ATP9B: variants seen among roughly 807,000 people sequenced by gnomAD.
The protein encoded by ATP9B is ATPase phospholipid transporting 9B.
In ATP9B, 110 loss-of-function variants were observed where a neutral mutation model predicts 146.1. The observed-to-expected ratio is 0.75, with a 90% CI of 0.65 to 0.88. The LOEUF (loss-of-function observed/expected upper bound fraction) is 0.88, where lower values mean the gene tolerates loss of function less well. Ranked by LOEUF, ATP9B falls within the 40% of genes least tolerant of loss-of-function variation. The pLI is 0.00. For missense variants in ATP9B, 1,499 were observed against 1,496.4 expected (o/e 1.00, Z -0.03); for synonymous variants, 604 against 569.7 (o/e 1.06, Z -0.86).
Position 79,069,484 on chromosome 18 carries a change from A to C in ATP9B, c.74A>C (p.Tyr25Ser). The C allele has an allele frequency of 8.8e-6, 13 of 1,482,998 alleles. No individual in the cohort carries two copies. Among genetic ancestry groups the C allele is most frequent in the Non-Finnish European group, 1.1e-5 (12 of 1,117,410 alleles). The allele number at this position is 1,482,998 out of a possible 1,614,324, so 91.9% of individuals were successfully genotyped here. The part of the protein sequence containing the change: ...AAAANRKRAA[Y>S]YSAAGPRPGA... Reference sequence around the variant, plus strand: ...GCAGCCAACCGCAAACGCGCGGCCTACTACAGCGCCGCGGGGCCCAGGCCG... The same window carrying C: ...GCAGCCAACCGCAAACGCGCGGCCTCCTACAGCGCCGCGGGGCCCAGGCCG... The change falls in exon 1 of 30, where the codon TAC becomes TCC. Residue 25 changes from tyrosine (Y) to serine (S), a missense_variant. Coordinates refer to ENST00000426216, the MANE Select transcript of ATP9B (RefSeq NM_198531.5).
At chr18:79,169,626 A>T (rs1470754868) in intron 7 of ATP9B, among the ~76,000 whole-genome samples, 1 of 152,224 alleles carries the variant, frequency 6.6e-6, no homozygotes, top group African/African-American at 2.4e-5. Context: ...ACCATTATTT[A>T]GTTATACATT....
At chr18:79,126,223 T>A (rs2094283842) in intron 4 of ATP9B, 44 bp from the exon 5 acceptor site, 4 of 1,491,836 alleles carry the variant, frequency 2.7e-6, no homozygotes, top group Non-Finnish European at 3.7e-6. Flanking sequence ...TTGTCTTTTT[T>A]GTTAAAGTTT....
At chr18:79,141,454 C>T (rs1016089623) in intron 5 of ATP9B, among the ~76,000 whole-genome samples, 5 of 152,076 alleles carry the variant, frequency 3.3e-5, no homozygotes, top group African/African-American at 7.2e-5. Context: ...TGATAATACA[C>T]GACTTACTGA....
At chr18:79,209,633 G>T (rs2095565703) in intron 10 of ATP9B, 1 of 985,086 alleles carries the variant, frequency 1.0e-6, no homozygotes, top group African/African-American at 1.7e-5. Flanking sequence ...TGTCCATTCT[G>T]TTCTCTTTGC....
chr18:79,209,984 A>T (rs1340959903), intron 10 of ATP9B, among the ~76,000 whole-genome samples: 1 of 152,150 alleles, frequency 6.6e-6, no homozygotes, highest in African/African-American at 2.4e-5. Context: ...ATCTCAGTTG[A>T]ATTCAAGTTG....
chr18:79,132,664 T>C (rs2094394831), intron 5 of ATP9B, among the ~76,000 whole-genome samples: 1 of 152,234 alleles, frequency 6.6e-6, no homozygotes, highest in Non-Finnish European at 1.5e-5. Flanking sequence ...TTATTAAGAA[T>C]ATTTTCTGTT....
chr18:79,071,887 TTG>T (rs765774226), intron 1 of ATP9B, among the ~76,000 whole-genome samples: 30,951 of 101,436 alleles, frequency 0.31, 3,422 homozygotes, highest in East Asian at 0.44. Context: ...ATGTTTGGTT[TTG>T]TTTTTTTTTT....
chr18:79,185,445 T>G (rs908332129), intron 8 of ATP9B, among the ~76,000 whole-genome samples: 1 of 152,208 alleles, frequency 6.6e-6, no homozygotes, highest in African/African-American at 2.4e-5. Context: ...CTTTAACATT[T>G]TCGTGGCCAG....
intron 1 of ATP9B, among the ~76,000 whole-genome samples, chr18:79,081,166 G>A (rs1160357935): frequency 6.6e-6 from 1 of 152,060 alleles, no homozygotes; most frequent in Non-Finnish European, 1.5e-5. Flanking sequence ...CTCTTTTTCT[G>A]TTGTTTGGAA....
chr18:79,201,674 A>G (rs962290882), intron 9 of ATP9B, among the ~76,000 whole-genome samples: 1 of 151,942 alleles, frequency 6.6e-6, no homozygotes. Context: ...TGTTCAAGCA[A>G]TTCTCCTGCC....
chr18:79,261,105 C>A (rs1313795820), intron 12 of ATP9B, among the ~76,000 whole-genome samples: 1 of 152,112 alleles, frequency 6.6e-6, no homozygotes, highest in East Asian at 1.9e-4. Flanking sequence ...GGCCTTTGAG[C>A]AGATGCTGTT....
chr18:79,153,107 C>G (rs576685981), intron 6 of ATP9B, among the ~76,000 whole-genome samples: 21 of 152,228 alleles, frequency 1.4e-4, no homozygotes, highest in African/African-American at 5.1e-4. Context: ...AATAACATAG[C>G]TTTCTTCAGC....
intron 12 of ATP9B, chr18:79,254,689 T>G (rs2096061342): frequency 6.6e-6 from 1 of 152,392 alleles, no homozygotes; most frequent in Non-Finnish European, 1.5e-5. Flanking sequence ...GGATTAAACC[T>G]AATAAGGCCC....
intron 10 of ATP9B, among the ~76,000 whole-genome samples, chr18:79,210,402 T>TCA (rs1299291066): frequency 3.3e-5 from 5 of 151,940 alleles, no homozygotes; most frequent in Non-Finnish European, 7.4e-5. Context: ...GGGCCAGCCG[T>TCA]GTGGTGTCTA....
intron 11 of ATP9B, among the ~76,000 whole-genome samples, chr18:79,241,516 CAG>C (rs1192394585): frequency 6.6e-6 from 1 of 152,190 alleles, no homozygotes; most frequent in Non-Finnish European, 1.5e-5. Flanking sequence ...AGGTTCCATA[CAG>C]AGTCTCACTT....
chr18:79,301,141 CT>C (rs2096587911), intron 13 of ATP9B, among the ~76,000 whole-genome samples: 1 of 152,190 alleles, frequency 6.6e-6, no homozygotes, highest in African/African-American at 2.4e-5. Flanking sequence ...GTTTCATTAT[CT>C]TTTAACTGTT....
At chr18:79,259,808 A>T (rs191286651) in intron 12 of ATP9B, among the ~76,000 whole-genome samples, 1 of 152,324 alleles carries the variant, frequency 6.6e-6, no homozygotes, top group South Asian at 2.1e-4. Flanking sequence ...TTATCAGGTT[A>T]CTTTTCGGTT....
chr18:79,307,271 TC>T (rs1473460508), intron 15 of ATP9B, 37 bp downstream of exon 15: 2 of 1,612,632 alleles, frequency 1.2e-6, no homozygotes, highest in African/African-American at 2.7e-5. Flanking sequence ...GCTTGTCCGT[TC>T]CATTTGGACT....
chr18:79,120,229 A>G (rs535888179), intron 4 of ATP9B, among the ~76,000 whole-genome samples: 9 of 152,266 alleles, frequency 5.9e-5, no homozygotes, highest in African/African-American at 2.2e-4. Flanking sequence ...AGGTTCTATA[A>G]TGTTCTCAAG....
Sources: gnomAD v4.1 joint callset for allele counts (sites outside exome capture counted in the v4.1 genomes callset) on GRCh38, gnomAD v4.1.1 for gene constraint, MANE v1.5 for transcripts, NCBI Gene and HGNC (gene_info 2026-07-23, HGNC 2026-07-21) for gene names.